TMEM132D: variants seen among roughly 807,000 people sequenced by gnomAD.
The protein encoded by TMEM132D is mature OL transmembrane protein.
In TMEM132D, 21 loss-of-function variants were observed where a neutral mutation model predicts 62.3. The ratio of observed to expected loss-of-function variants is 0.34; its 90% CI spans 0.24 to 0.49. TMEM132D has a LOEUF of 0.49. Ranked by LOEUF, TMEM132D falls within the 20% of genes least tolerant of loss-of-function variation. TMEM132D has a pLI of 0.99. For missense variants in TMEM132D, 1,346 were observed against 1,402.8 expected (o/e 0.96, Z 0.65); for synonymous variants, 621 against 575.6 (o/e 1.08, Z -1.13).
At chr12:129,890,662 T>C (rs1874893298) in intron 1 of TMEM132D, among the ~76,000 whole-genome samples, 1 of 152,222 alleles carries the variant, frequency 6.6e-6, no homozygotes, top group South Asian at 2.1e-4. Context: ...AATCAGCGAA[T>C]TCTTCTGCAG....
chr12:129,561,156 T>C (rs946192409), intron 2 of TMEM132D, among the ~76,000 whole-genome samples: 1 of 152,190 alleles, frequency 6.6e-6, no homozygotes, highest in Admixed American at 6.5e-5. Context: ...CTCTGAGAGA[T>C]GATACTTAAG....
At chr12:129,600,176 C>T (rs879519964) in intron 2 of TMEM132D, among the ~76,000 whole-genome samples, 6 of 152,226 alleles carry the variant, frequency 3.9e-5, no homozygotes, top group Non-Finnish European at 8.8e-5. Flanking sequence ...GTTGTCGTTT[C>T]AACAATGCTC....
At chr12:129,505,070 G>A (rs1875288225) in intron 3 of TMEM132D, among the ~76,000 whole-genome samples, 1 of 152,150 alleles carries the variant, frequency 6.6e-6, no homozygotes, top group Admixed American at 6.5e-5. Flanking sequence ...ACTGTGGTCT[G>A]AGAGAGTGAT....
At chr12:129,075,105 A>G (rs775077915) in intron 8 of TMEM132D, 46 bp from the exon 9 acceptor site, 2 of 1,524,614 alleles carry the variant, frequency 1.3e-6, no homozygotes, top group East Asian at 4.5e-5. Flanking sequence ...CAAAAAGCTC[A>G]TTGAGCCCCA....
chr12:129,527,676 G>A (rs1296156549), intron 3 of TMEM132D, among the ~76,000 whole-genome samples: 1 of 152,168 alleles, frequency 6.6e-6, no homozygotes, highest in Non-Finnish European at 1.5e-5. Flanking sequence ...GAGAACATGT[G>A]GCTTTTGTTA....
At chr12:129,630,146 G>T (rs1207754073) in intron 2 of TMEM132D, among the ~76,000 whole-genome samples, 2 of 152,112 alleles carry the variant, frequency 1.3e-5, no homozygotes, top group Non-Finnish European at 2.9e-5. Context: ...GGAACCCCTG[G>T]TTCACTCTAT....
At chr12:129,692,737 T>C (rs1480665122) in intron 2 of TMEM132D, among the ~76,000 whole-genome samples, 1 of 151,808 alleles carries the variant, frequency 6.6e-6, no homozygotes, top group African/African-American at 2.4e-5. Context: ...CTTAGCAAAC[T>C]AACAAAGGAA....
In TMEM132D at chr12:129,515,635, C is replaced by G. The variant is rs148932118; in HGVS notation, c.1115+15424G>C. On this transcript the variant is annotated intron_variant, in intron 3 of 8. Coordinates refer to ENST00000422113, the MANE Select transcript of TMEM132D (RefSeq NM_133448.3). Reference sequence around the variant, plus strand: ...GTCATAAAGGAATTCTCTGACCTACCTCTCCAGAGAGAAGGTTGTAATACC... The same window carrying G: ...GTCATAAAGGAATTCTCTGACCTACGTCTCCAGAGAGAAGGTTGTAATACC... 4.1e-3 allele frequency among the ~76,000 whole-genome samples: 627 copies of G among 152,308 alleles called. 2 individuals carry two copies. The highest frequency in any genetic ancestry group is 6.9e-3 in the Non-Finnish European group (469 of 68,032).
chr12:129,879,801 T>C (rs554982617), intron 1 of TMEM132D, among the ~76,000 whole-genome samples: 1 of 152,138 alleles, frequency 6.6e-6, no homozygotes, highest in African/African-American at 2.4e-5. Context: ...CAATAAGAAA[T>C]TATTAATAAT....
intron 3 of TMEM132D, among the ~76,000 whole-genome samples, chr12:129,517,354 C>T (rs1323863238): frequency 6.6e-6 from 1 of 152,080 alleles, no homozygotes; most frequent in Non-Finnish European, 1.5e-5. Context: ...ACATATTTAT[C>T]TATTAACAAA....
chr12:129,327,648 C>G (rs998342431), intron 4 of TMEM132D, among the ~76,000 whole-genome samples: 3 of 152,164 alleles, frequency 2.0e-5, no homozygotes, highest in Non-Finnish European at 2.9e-5. Flanking sequence ...TGGTGCTATA[C>G]TTAGGAAATA....
At chr12:129,694,483 A>T (rs776641135) in intron 2 of TMEM132D, among the ~76,000 whole-genome samples, 1 of 152,230 alleles carries the variant, frequency 6.6e-6, no homozygotes, top group Non-Finnish European at 1.5e-5. Flanking sequence ...GTCCTTGTGG[A>T]TGAACTGCAA....
intron 2 of TMEM132D, among the ~76,000 whole-genome samples, chr12:129,611,944 C>T (rs751190306): frequency 9.2e-5 from 14 of 152,174 alleles, no homozygotes; most frequent in Non-Finnish European, 1.8e-4. Flanking sequence ...CCCCAAGTCT[C>T]ATGCTCTCAC....
At chr12:129,828,581 G>T (rs1470474221) in intron 1 of TMEM132D, among the ~76,000 whole-genome samples, 1 of 148,078 alleles carries the variant, frequency 6.8e-6, no homozygotes, top group Non-Finnish European at 1.5e-5. Flanking sequence ...AGATATGGTT[G>T]GTTGGCTACT....
At chr12:129,321,470 T>A (rs1466213321) in intron 4 of TMEM132D, among the ~76,000 whole-genome samples, 1 of 152,212 alleles carries the variant, frequency 6.6e-6, no homozygotes, top group African/African-American at 2.4e-5. Flanking sequence ...TGTCCATCAC[T>A]TAGTCATGCC....
intron 5 of TMEM132D, among the ~76,000 whole-genome samples, chr12:129,086,201 C>CGCGTGTGTGTGTGTGT (rs1349816832): frequency 6.4e-5 from 9 of 141,038 alleles, no homozygotes; most frequent in Non-Finnish European, 1.4e-4. Flanking sequence ...CACGCGCGCG[C>CGCGTGTGTGTGTGTGT]GTGTGTGTGT....
chr12:129,256,499 C>A (rs778002130), intron 4 of TMEM132D, among the ~76,000 whole-genome samples: 1 of 152,092 alleles, frequency 6.6e-6, no homozygotes, highest in Non-Finnish European at 1.5e-5. Flanking sequence ...CGGCTCATGG[C>A]AACCTCCGCC....
intron 5 of TMEM132D, among the ~76,000 whole-genome samples, chr12:129,124,612 C>T (rs1261308662): frequency 6.6e-6 from 1 of 152,166 alleles, no homozygotes; most frequent in Non-Finnish European, 1.5e-5. Context: ...CAACTTCTGG[C>T]CTGTGAGATG....
chr12:129,864,342 T>C (rs532250853), intron 1 of TMEM132D, among the ~76,000 whole-genome samples: 26 of 152,352 alleles, frequency 1.7e-4, no homozygotes, highest in African/African-American at 6.3e-4. Flanking sequence ...CCCACAGGGC[T>C]GCGTCTGAAT....
Sources: gnomAD v4.1 joint callset for allele counts (sites outside exome capture counted in the v4.1 genomes callset) on GRCh38, gnomAD v4.1.1 for gene constraint, MANE v1.5 for transcripts, NCBI Gene and HGNC (gene_info 2026-07-23, HGNC 2026-07-21) for gene names.